Variants in KIF6 observed in about 807,000 individuals in gnomAD.
KIF6 encodes the protein kinesin family member 6, also known as kinesin-like protein KIF6.
A neutral mutation model predicts 112.7 loss-of-function variants in KIF6; 106 were observed. The observed-to-expected ratio is 0.94, with a 90% CI of 0.80 to 1.11. KIF6 has a LOEUF of 1.11. Among genes scored for constraint, KIF6 ranks in the 50% least tolerant of loss-of-function variants. The pLI, the probability that KIF6 is intolerant of heterozygous loss-of-function variation, is 0.00. For missense variants in KIF6, 929 were observed against 964.0 expected (o/e 0.96, Z 0.48); for synonymous variants, 339 against 339.9 (o/e 1.00, Z 0.03).
At chr6:39,683,103 G>A (rs1454415766) in intron 3 of KIF6, among the ~76,000 whole-genome samples, 2 of 152,170 alleles carry the variant, frequency 1.3e-5, no homozygotes, top group African/African-American at 4.8e-5. Flanking sequence ...CAGATGGCAG[G>A]GTTTTACAAA....
At chr6:39,643,900 T>C (rs940723529) in intron 3 of KIF6, among the ~76,000 whole-genome samples, 1 of 152,174 alleles carries the variant, frequency 6.6e-6, no homozygotes, top group African/African-American at 2.4e-5. Flanking sequence ...GGAGATAATG[T>C]ATGCAAATCA....
intron 3 of KIF6, among the ~76,000 whole-genome samples, chr6:39,664,216 G>T (rs539269116): frequency 1.8e-4 from 28 of 152,234 alleles, no homozygotes; most frequent in African/African-American, 6.7e-4. Context: ...TGGTGTTTCA[G>T]GGTGGGGTAG....
At chr6:39,596,408 T>G (rs1464847480) in intron 6 of KIF6, 148 bp from the exon 7 acceptor site, 8 of 624,542 alleles carry the variant, frequency 1.3e-5, no homozygotes, top group Admixed American at 2.8e-5. Context: ...CTGAGACCTT[T>G]AAAGTAAGTT....
intron 19 of KIF6, among the ~76,000 whole-genome samples, chr6:39,350,173 G>A (rs965414602): frequency 1.3e-5 from 2 of 152,124 alleles, no homozygotes; most frequent in African/African-American, 2.4e-5. Flanking sequence ...AAAATCAGAC[G>A]GTGTGGACAC....
intron 5 of KIF6, among the ~76,000 whole-genome samples, chr6:39,622,024 G>A (rs558851684): frequency 9.9e-5 from 15 of 151,970 alleles, no homozygotes; most frequent in African/African-American, 1.4e-4. Context: ...AAAATTAGAC[G>A]GGTGGGGCGG....
At chr6:39,376,033 T>G (rs1766416095) in intron 16 of KIF6, among the ~76,000 whole-genome samples, 1 of 152,184 alleles carries the variant, frequency 6.6e-6, no homozygotes, top group East Asian at 1.9e-4. Context: ...AGCCTCTCCC[T>G]TGAGCATGGA....
chr6:39,460,228 C>A, intron 13 of KIF6, among the ~76,000 whole-genome samples: 1 of 123,240 alleles, frequency 8.1e-6, no homozygotes, highest in African/African-American at 3.2e-5. Context: ...TTTGTAGGGA[C>A]ATGGATGAAA....
intron 6 of KIF6, among the ~76,000 whole-genome samples, chr6:39,597,570 G>A (rs1390849301): frequency 6.6e-6 from 1 of 152,002 alleles, no homozygotes; most frequent in Non-Finnish European, 1.5e-5. Context: ...TATCCATCTT[G>A]AAAAAAATAA....
intron 13 of KIF6, among the ~76,000 whole-genome samples, chr6:39,522,755 C>A (rs1777467824): frequency 6.6e-6 from 1 of 152,214 alleles, no homozygotes; most frequent in Admixed American, 6.5e-5. Flanking sequence ...CTCTCTTGCC[C>A]AGCTCTCTTC....
chr6:39,413,935 G>A (rs924619406), intron 15 of KIF6, among the ~76,000 whole-genome samples: 2 of 152,164 alleles, frequency 1.3e-5, no homozygotes, highest in African/African-American at 4.8e-5. Context: ...GAAAATAAAT[G>A]TGGTGAATCA....
At chr6:39,689,125 A>G (rs549310593) in intron 3 of KIF6, among the ~76,000 whole-genome samples, 1 of 152,320 alleles carries the variant, frequency 6.6e-6, no homozygotes, top group South Asian at 2.1e-4. Context: ...TGCAAAAAAA[A>G]GAGAAAAGAC....
intron 3 of KIF6, among the ~76,000 whole-genome samples, chr6:39,653,151 C>T (rs1785573798): frequency 1.3e-5 from 2 of 152,208 alleles, no homozygotes; most frequent in Non-Finnish European, 2.9e-5. Flanking sequence ...GTTGCTGACA[C>T]AGCCTGTAGC....
At chr6:39,536,540 C>A (rs1344465213) in intron 13 of KIF6, among the ~76,000 whole-genome samples, 1 of 150,882 alleles carries the variant, frequency 6.6e-6, no homozygotes, top group Non-Finnish European at 1.5e-5. Flanking sequence ...CTGAATAGAC[C>A]AATAACAGGA....
At chr6:39,576,754 G>A (rs1780996160) in intron 10 of KIF6, among the ~76,000 whole-genome samples, 1 of 152,156 alleles carries the variant, frequency 6.6e-6, no homozygotes, top group Non-Finnish European at 1.5e-5. Flanking sequence ...AGAAGCTCCT[G>A]CTGTTACTGA....
chr6:39,450,577 G>A (rs1329768447), intron 13 of KIF6, among the ~76,000 whole-genome samples: 2 of 152,190 alleles, frequency 1.3e-5, no homozygotes, highest in Non-Finnish European at 2.9e-5. Context: ...GGCTGAGGTG[G>A]GCAGATGGCT....
intron 10 of KIF6, among the ~76,000 whole-genome samples, chr6:39,571,768 A>G (rs1393197169): frequency 6.6e-6 from 1 of 152,186 alleles, no homozygotes; most frequent in Non-Finnish European, 1.5e-5. Context: ...CTCCATGAGA[A>G]CTTCAGGCTC....
At chr6:39,395,510 G>A (rs1361944665) in intron 15 of KIF6, among the ~76,000 whole-genome samples, 1 of 152,184 alleles carries the variant, frequency 6.6e-6, no homozygotes, top group Non-Finnish European at 1.5e-5. Flanking sequence ...AGCAAAGGGG[G>A]ATATAACCAG....
intron 4 of KIF6, among the ~76,000 whole-genome samples, chr6:39,636,270 T>C (rs561892249): frequency 1.3e-5 from 2 of 152,102 alleles, no homozygotes; most frequent in South Asian, 4.1e-4. Context: ...AAAAACAAAA[T>C]GATAAATGAA....
At chr6:39,557,406 T>G (rs1779762760) in intron 10 of KIF6, among the ~76,000 whole-genome samples, 1 of 152,036 alleles carries the variant, frequency 6.6e-6, no homozygotes, top group Admixed American at 6.6e-5. Context: ...ATTGAAAACT[T>G]AAGTGTTTAA....
Sources: allele counts gnomAD v4.1 joint callset (sites outside exome capture counted in the v4.1 genomes callset), GRCh38; gene constraint gnomAD v4.1.1; transcripts MANE v1.5; gene names NCBI Gene and HGNC (gene_info 2026-07-23, HGNC 2026-07-21).